The following DLC1 variants were observed in gnomAD, a reference collection of about 807,000 sequenced individuals.
The protein encoded by DLC1 is rho GTPase-activating protein 7.
DLC1 carries 54 observed loss-of-function variants against 140.3 expected under a neutral mutation model. The ratio of observed to expected loss-of-function variants is 0.38; its 90% CI spans 0.31 to 0.48. The LOEUF is 0.48. DLC1 is among the 20% of genes least tolerant of loss of function. The pLI is 0.96. For synonymous variants in DLC1, 986 were observed against 728.1 expected, an observed-to-expected ratio of 1.35 and a Z score of -5.70; for missense variants, 2,536 against 1,907.0, an observed-to-expected ratio of 1.33 and a Z score of -6.14.
At chr8:13,215,262 G>A (rs1156636863) in intron 5 of DLC1, among the ~76,000 whole-genome samples, 1 of 152,118 alleles carries the variant, frequency 6.6e-6, no homozygotes, top group African/African-American at 2.4e-5. Flanking sequence ...ATCTGCCTAG[G>A]TACCAGGCTG....
intron 1 of DLC1, among the ~76,000 whole-genome samples, chr8:13,509,225 C>T (rs1057249997): frequency 6.6e-6 from 1 of 152,208 alleles, no homozygotes; most frequent in African/African-American, 2.4e-5. Context: ...CAACAGTAGA[C>T]ACAGTAATCA....
intron 1 of DLC1, among the ~76,000 whole-genome samples, chr8:13,534,878 A>T (rs958733262): frequency 6.6e-6 from 1 of 152,060 alleles, no homozygotes; most frequent in Admixed American, 6.6e-5. Context: ...AATCTGAGAG[A>T]TGTTTTGCTG....
At chr8:13,558,656 C>A (rs1363285905) in intron 1 of DLC1, 1 of 152,044 alleles carries the variant, frequency 6.6e-6, no homozygotes, top group African/African-American at 2.4e-5. Flanking sequence ...TTACATAATA[C>A]CTTATGATAA....
chr8:13,126,986 A>T (rs1282178614), intron 5 of DLC1, among the ~76,000 whole-genome samples: 1 of 152,274 alleles, frequency 6.6e-6, no homozygotes, highest in African/African-American at 2.4e-5. Flanking sequence ...AAGACCAATG[A>T]CAATGAAAAT....
At chr8:13,222,186 C>A (rs1188623436) in intron 5 of DLC1, among the ~76,000 whole-genome samples, 1 of 151,702 alleles carries the variant, frequency 6.6e-6, no homozygotes. Context: ...AAATGTAGGG[C>A]CACTCCAAAA....
At chr8:13,601,480 C>T (rs187185607) in intron 1 of DLC1, among the ~76,000 whole-genome samples, 34 of 151,846 alleles carry the variant, frequency 2.2e-4, no homozygotes, top group African/African-American at 7.5e-4. Flanking sequence ...ATTTTTCAGA[C>T]TATGTGCCTT....
chr8:13,145,518 T>C (rs1585763461), intron 5 of DLC1, among the ~76,000 whole-genome samples: 1 of 152,244 alleles, frequency 6.6e-6, no homozygotes, highest in South Asian at 2.1e-4. Context: ...CTAGCAATTC[T>C]ACTCTAAGGG....
chr8:13,594,195 A>G (rs1304531079), intron 1 of DLC1, among the ~76,000 whole-genome samples: 1 of 152,072 alleles, frequency 6.6e-6, no homozygotes. Flanking sequence ...TTTATATGAT[A>G]GTGATAAAAC....
Position 13,388,084 on chromosome 8 carries a change from G to A in DLC1, c.1314+5469C>T, listed in dbSNP as rs1190462481. Reference sequence around the variant, plus strand: ...TTAAAATATAATTTTACAGGTTCAGGAATTTAGTTGATTAATAAATTCCAG... The same window carrying A: ...TTAAAATATAATTTTACAGGTTCAGAAATTTAGTTGATTAATAAATTCCAG... On this transcript the variant is annotated intron_variant, in intron 4 of 17. Coordinates refer to ENST00000276297, the MANE Select transcript of DLC1 (RefSeq NM_182643.3). Among the ~76,000 whole-genome samples, 3 of 151,854 alleles carry A rather than the reference G, an allele frequency of 2.0e-5. No homozygotes were observed. The East Asian group carries it at 5.8e-4, about 29-fold the overall frequency.
chr8:13,297,192 T>C (rs2117486061), intron 5 of DLC1, among the ~76,000 whole-genome samples: 1 of 146,050 alleles, frequency 6.8e-6, no homozygotes, highest in Non-Finnish European at 1.5e-5. Flanking sequence ...TTAGTTTACA[T>C]TAAGTTTTAG....
chr8:13,570,222 C>T (rs1365651565), intron 1 of DLC1, among the ~76,000 whole-genome samples: 1 of 152,044 alleles, frequency 6.6e-6, no homozygotes, highest in Non-Finnish European at 1.5e-5. Flanking sequence ...TCAAGCGTCT[C>T]TACATTACTT....
At chr8:13,133,704 G>C (rs193147187) in intron 5 of DLC1, among the ~76,000 whole-genome samples, 1 of 152,140 alleles carries the variant, frequency 6.6e-6, no homozygotes, top group Non-Finnish European at 1.5e-5. Context: ...GTCCGGCCTG[G>C]ACCCTAGTGT....
intron 3 of DLC1, 50 bp from the exon 4 acceptor site, chr8:13,393,743 A>G (rs780746113): frequency 3.5e-5 from 55 of 1,576,674 alleles, no homozygotes; most frequent in Non-Finnish European, 4.3e-5. Flanking sequence ...ATGTTCCCAA[A>G]TGCCCTTCTT....
chr8:13,180,416 C>T (rs1825967762), intron 5 of DLC1, among the ~76,000 whole-genome samples: 1 of 152,098 alleles, frequency 6.6e-6, no homozygotes, highest in Non-Finnish European at 1.5e-5. Flanking sequence ...GTCTTTAGTA[C>T]TCTAAGTTCA....
At chr8:13,509,156 C>T (rs551974712) in intron 1 of DLC1, among the ~76,000 whole-genome samples, 9 of 152,238 alleles carry the variant, frequency 5.9e-5, no homozygotes, top group Middle Eastern at 3.4e-3. Flanking sequence ...TGGTGAGATG[C>T]GGTTTTGCTT....
intron 4 of DLC1, among the ~76,000 whole-genome samples, chr8:13,392,031 T>G (rs1836786597): frequency 6.6e-6 from 1 of 152,158 alleles, no homozygotes; most frequent in African/African-American, 2.4e-5. Flanking sequence ...TTTCTTATCT[T>G]AATTTTGCAT....
intron 4 of DLC1, among the ~76,000 whole-genome samples, chr8:13,391,148 T>C (rs1161577398): frequency 2.0e-5 from 3 of 151,994 alleles, no homozygotes; most frequent in Non-Finnish European, 4.4e-5. Context: ...TACTAAATTA[T>C]AGTCCAGTAG....
upstream of DLC1, among the ~76,000 whole-genome samples, chr8:13,517,862 T>G (rs1045909530): frequency 1.3e-5 from 2 of 152,232 alleles, no homozygotes; most frequent in Non-Finnish European, 2.9e-5. Flanking sequence ...ATTGTCACAA[T>G]GCAAAAAGCT....
intron 2 of DLC1, among the ~76,000 whole-genome samples, chr8:13,415,121 A>AT (rs1002140796): frequency 1.7e-4 from 25 of 150,814 alleles, no homozygotes; most frequent in South Asian, 4.2e-4. Context: ...CCACGATGTT[A>AT]TTTTTTTTTA....
Sources: gnomAD v4.1 joint callset for allele counts (sites outside exome capture counted in the v4.1 genomes callset) on GRCh38, gnomAD v4.1.1 for gene constraint, MANE v1.5 for transcripts, NCBI Gene and HGNC (gene_info 2026-07-23, HGNC 2026-07-21) for gene names.